PRSS38: variants seen among roughly 807,000 people sequenced by gnomAD.
PRSS38 encodes marapsin 2.
In PRSS38, 22 loss-of-function variants were observed where a neutral mutation model predicts 26.8. That is an observed-to-expected ratio of 0.82 (90% CI 0.59 to 1.17). The LOEUF (loss-of-function observed/expected upper bound fraction) is 1.17. PRSS38 is among the 50% of genes most tolerant of loss of function. The pLI is 0.00. For missense variants in PRSS38, 427 were observed against 422.7 expected (o/e 1.01, Z -0.09); for synonymous variants, 175 against 172.1 (o/e 1.02, Z -0.13).
At chr1:227,820,579 A>G (rs971460662) in intron 3 of PRSS38, among the ~76,000 whole-genome samples, 2 of 152,098 alleles carry the variant, frequency 1.3e-5, no homozygotes, top group Non-Finnish European at 2.9e-5. Context: ...TATTTCTTGG[A>G]TAAATCTCGC....
At chr1:227,843,547 A>T (rs915588652) in intron 3 of PRSS38, among the ~76,000 whole-genome samples, 1 of 151,944 alleles carries the variant, frequency 6.6e-6, no homozygotes, top group African/African-American at 2.4e-5. Context: ...TACTAAAAAT[A>T]CAAAATTAGC....
At chr1:227,845,754 T>C in intron 4 of PRSS38, 142 bp downstream of exon 4, 1 of 1,210,488 alleles carries the variant, frequency 8.3e-7, no homozygotes, top group Non-Finnish European at 1.2e-6. Context: ...TATGACAATG[T>C]GTGAACGCCG....
At chr1:227,836,013 C>A (rs186023396) in intron 3 of PRSS38, among the ~76,000 whole-genome samples, 48 of 151,918 alleles carry the variant, frequency 3.2e-4, no homozygotes, top group Admixed American at 2.4e-3. Context: ...CGTGGCAGGA[C>A]GATAGCTTAA....
At chr1:227,838,050 C>T (rs1034824796) in intron 3 of PRSS38, among the ~76,000 whole-genome samples, 7 of 152,128 alleles carry the variant, frequency 4.6e-5, no homozygotes, top group African/African-American at 9.7e-5. Flanking sequence ...GCCATTGCAC[C>T]TGGCCAGCTT....
intron 3 of PRSS38, among the ~76,000 whole-genome samples, chr1:227,842,632 T>C (rs1572091543): frequency 6.6e-6 from 1 of 151,162 alleles, no homozygotes; most frequent in African/African-American, 2.4e-5. Context: ...CAGGCTGGAG[T>C]GCAATGGCGT....
chr1:227,846,438 AT>A, exon 5 of PRSS38: 1 of 580,652 alleles, frequency 1.7e-6, no homozygotes, highest in South Asian at 2.3e-5. Flanking sequence ...TGCACCTGAG[AT>A]TTGATAAGAT....
chr1:227,836,797 A>G (rs1464225356), intron 3 of PRSS38, among the ~76,000 whole-genome samples: 1 of 152,194 alleles, frequency 6.6e-6, no homozygotes, highest in South Asian at 2.1e-4. Context: ...TATTTGAGAC[A>G]TTGTTTACAA....
intron 3 of PRSS38, among the ~76,000 whole-genome samples, chr1:227,830,682 T>C (rs750377702): frequency 6.6e-6 from 1 of 151,326 alleles, no homozygotes; most frequent in African/African-American, 2.4e-5. Flanking sequence ...TATTATTATT[T>C]TTAGTAGGGA....
chr1:227,845,604 G>A (rs532157294), exon 4 of PRSS38: 20 of 1,613,062 alleles, frequency 1.2e-5, no homozygotes, highest in Admixed American at 5.0e-5. Context: ...TGCTAAGACC[G>A]TGTGTGAGGT....
chr1:227,832,342 T>A (rs559564859), intron 3 of PRSS38, among the ~76,000 whole-genome samples: 11 of 152,240 alleles, frequency 7.2e-5, no homozygotes, highest in Non-Finnish European at 1.6e-4. Context: ...TTTTGCTAAA[T>A]GTTTTCTATA....
intron 3 of PRSS38, among the ~76,000 whole-genome samples, chr1:227,834,127 A>C (rs953538987): frequency 2.0e-5 from 3 of 152,126 alleles, no homozygotes; most frequent in African/African-American, 7.2e-5. Flanking sequence ...TGGCAACCAC[A>C]AGAAGCTAGG....
intron 3 of PRSS38, among the ~76,000 whole-genome samples, chr1:227,828,534 A>G (rs1182035541): frequency 2.0e-5 from 3 of 152,170 alleles, no homozygotes; most frequent in Non-Finnish European, 4.4e-5. Context: ...GCCAGTCGCG[A>G]TAGGCTGGAA....
Position 227,816,065 on chromosome 1 carries a change from A to T in PRSS38, c.149-25A>T, listed in dbSNP as rs1664907958. ...TCTCCCGTGGCCCCAGCATGGCTCC[A>T]CCGTCAGCTCCGTTCTCCCTGCAGC... On this transcript the variant is annotated intron_variant, in intron 1 of 4. Transcript: ENST00000366757. The surrounding 1 kb of genome is among the most constrained non-coding windows in gnomAD (Gnocchi z 5.1). The T allele has an allele frequency of 3.8e-6, 6 of 1,585,678 alleles. No individual in the cohort carries two copies. The East Asian group carries it at 1.4e-4, about 36-fold the overall frequency.
chr1:227,818,734 T>C (rs10916216), intron 3 of PRSS38, among the ~76,000 whole-genome samples: 34,823 of 150,224 alleles, frequency 0.23, 4,225 homozygotes, highest in Middle Eastern at 0.3. Flanking sequence ...GAATTTTTTT[T>C]CTTAGCTGAT....
intron 3 of PRSS38, among the ~76,000 whole-genome samples, chr1:227,826,292 G>A (rs537493144): frequency 6.6e-6 from 1 of 152,252 alleles, no homozygotes; most frequent in East Asian, 1.9e-4. Flanking sequence ...CTGAGATGAT[G>A]GGGTTTTCTA....
chr1:227,827,773 T>C (rs1488164603), intron 3 of PRSS38, among the ~76,000 whole-genome samples: 2 of 152,140 alleles, frequency 1.3e-5, no homozygotes, highest in Non-Finnish European at 2.9e-5. Context: ...GTTCTTTTAG[T>C]TGAGGTGTTA....
intron 3 of PRSS38, among the ~76,000 whole-genome samples, chr1:227,835,767 A>C (rs12079887): frequency 0.14 from 21,379 of 152,242 alleles, 1,601 homozygotes; most frequent in East Asian, 0.22. Context: ...AATCATACAG[A>C]TGGAATACAG....
intron 3 of PRSS38, among the ~76,000 whole-genome samples, chr1:227,845,096 G>A (rs1665404116): frequency 6.8e-6 from 1 of 147,480 alleles, no homozygotes; most frequent in South Asian, 2.2e-4. Flanking sequence ...CCTATGTGTG[G>A]TCAGGACTCC....
At chr1:227,831,457 A>G (rs558424382) in intron 3 of PRSS38, among the ~76,000 whole-genome samples, 5 of 152,302 alleles carry the variant, frequency 3.3e-5, no homozygotes, top group Non-Finnish European at 7.4e-5. Flanking sequence ...TAAATGATCC[A>G]TGTGTGTTTG....
Sources: gnomAD v4.1 joint callset for allele counts (sites outside exome capture counted in the v4.1 genomes callset) on GRCh38, gnomAD v4.1.1 for gene constraint, Gnocchi (gnomAD v3.1) non-coding constraint, MANE v1.5 for transcripts, NCBI Gene and HGNC (gene_info 2026-07-23, HGNC 2026-07-21) for gene names.